Variants in SLC22A23 observed in about 807,000 individuals in gnomAD.
SLC22A23 encodes the protein ion transporter protein.
Under a neutral mutation model 61.0 loss-of-function variants are expected in SLC22A23, and 26 were observed. The ratio of observed to expected loss-of-function variants is 0.43; its 90% CI spans 0.31 to 0.59. SLC22A23 has a LOEUF of 0.59. Ranked by LOEUF, SLC22A23 falls within the 20% of genes least tolerant of loss-of-function variation. The probability of loss-of-function intolerance (pLI) is 0.11; values close to 1 mark genes in which losing one functional copy is unlikely to be tolerated. For missense variants in SLC22A23, 796 were observed against 934.7 expected, an observed-to-expected ratio of 0.85 and a Z score of 1.94; for synonymous variants, 430 against 413.9, an observed-to-expected ratio of 1.04 and a Z score of -0.47.
Position 3,286,960 on chromosome 6 carries a change from G to A in SLC22A23, c.1445C>T (p.Ala482Val), listed in dbSNP as rs763739645. 2 of 1,613,976 alleles carry A rather than the reference G, an allele frequency of 1.2e-6. No individual in the cohort carries two copies. Among genetic ancestry groups the A allele is most frequent in the Non-Finnish European group, 8.5e-7 (1 of 1,180,042 alleles). The change falls in exon 7 of 10, where the codon GCC (alanine) becomes GTC (valine). Residue 482 changes from alanine (A) to valine (V), a missense_variant. Transcript: ENST00000406686. This position sits in a 1 kb window ranked among gnomAD's most constrained non-coding sequence, Gnocchi z 4.2. ...TASIALVSCL[A>V]MCVVVRFLGR... ...GAGGAATCGGACCACCACGCACATGGCCAGGCAGGACACCAGCGCGATGCT... is the reference window on the plus strand; with the variant it reads ...GAGGAATCGGACCACCACGCACATGACCAGGCAGGACACCAGCGCGATGCT...
intron 3 of SLC22A23, among the ~76,000 whole-genome samples, chr6:3,359,555 A>C (rs1440297182): frequency 6.6e-6 from 1 of 152,050 alleles, no homozygotes; most frequent in Non-Finnish European, 1.5e-5. Flanking sequence ...TGCTGACAAG[A>C]ATGTGGGGAA....
At chr6:3,443,238 A>G (rs891759396) in intron 1 of SLC22A23, among the ~76,000 whole-genome samples, 3 of 152,246 alleles carry the variant, frequency 2.0e-5, no homozygotes, top group African/African-American at 7.2e-5. Context: ...CTTTGTCAAC[A>G]AGGGACTCTG....
At chr6:3,435,001 C>T (rs1350432145) in intron 1 of SLC22A23, among the ~76,000 whole-genome samples, 1 of 152,130 alleles carries the variant, frequency 6.6e-6, no homozygotes, top group Non-Finnish European at 1.5e-5. Context: ...AGCCCCAACC[C>T]ATCCACACTG....
chr6:3,456,203 G>C lies in SLC22A23; in HGVS notation c.357C>G (p.Phe119Leu). ...FIGFSQFSDS[F>L]LLDQPNFWCR... ...ACCAGAAGTTGGGCTGGTCCAGGAG[G>C]AACGAGTCCGAGAACTGGCTGAAGC... The change falls in exon 1 of 10, where the codon TTC (phenylalanine) becomes TTG (leucine). Residue 119 changes from phenylalanine to leucine, a missense_variant. Phe to Leu is a conservative substitution (Grantham distance 22). Coordinates refer to ENST00000406686, the MANE Select transcript of SLC22A23 (RefSeq NM_015482.2). The surrounding 1 kb of genome is among the most constrained non-coding windows in gnomAD (Gnocchi z 7.1). 2 of 1,551,356 alleles carry C rather than the reference G, an allele frequency of 1.3e-6. No homozygotes were observed. The highest frequency in any genetic ancestry group is 1.2e-5 in the South Asian group (1 of 84,046).
intron 1 of SLC22A23, among the ~76,000 whole-genome samples, chr6:3,423,127 A>T (rs1264740014): frequency 6.6e-6 from 1 of 151,398 alleles, no homozygotes; most frequent in Non-Finnish European, 1.5e-5. Context: ...AGAAATAGAA[A>T]CTGCTTCATT....
rs1760022773 is a variant in SLC22A23, at chr6:3,286,531, C to T, written c.1546+328G>A. The stretch of plus-strand genomic sequence containing the variant: ...GATTTATTTCCCCCTTAATGTCACT[C>T]GAAAGAGACAATCCTTTGTTCTTCT... On this transcript the variant is annotated intron_variant, in intron 7 of 9. Transcript: ENST00000406686. This position sits in a 1 kb window ranked among gnomAD's most constrained non-coding sequence, Gnocchi z 4.2. Among the ~76,000 whole-genome samples, 2 of 152,218 alleles carry T rather than the reference C, an allele frequency of 1.3e-5. No individual in the cohort carries two copies. Among genetic ancestry groups the T allele is most frequent in the African/African-American group, 2.4e-5 (1 of 41,448 alleles).
At chr6:3,359,319 T>C (rs1056891704) in intron 3 of SLC22A23, among the ~76,000 whole-genome samples, 1 of 152,244 alleles carries the variant, frequency 6.6e-6, no homozygotes, top group Non-Finnish European at 1.5e-5. Flanking sequence ...GCCACGTTTA[T>C]TCTTCATCAC....
At chr6:3,452,225 G>A (rs1772185043) in intron 1 of SLC22A23, among the ~76,000 whole-genome samples, 1 of 152,152 alleles carries the variant, frequency 6.6e-6, no homozygotes, top group South Asian at 2.1e-4. Context: ...AAGCAGAGGA[G>A]CATCTGTACC....
intron 3 of SLC22A23, among the ~76,000 whole-genome samples, chr6:3,373,666 A>G (rs1318511449): frequency 6.6e-6 from 1 of 152,210 alleles, no homozygotes; most frequent in Non-Finnish European, 1.5e-5. Context: ...GAAAGGAAGA[A>G]GAAAAGGAAG....
intron 3 of SLC22A23, among the ~76,000 whole-genome samples, chr6:3,409,873 A>G (rs1023769692): frequency 2.0e-5 from 3 of 152,200 alleles, no homozygotes; most frequent in African/African-American, 7.2e-5. Context: ...CAGGATGTCA[A>G]TGCAGACAAT....
rs573900877 is a variant in SLC22A23 at position 3,330,205 on chromosome 6, T to C, written c.914-6203A>G. Among the ~76,000 whole-genome samples, 1 of 152,292 alleles carries C rather than the reference T, an allele frequency of 6.6e-6. No individual in the cohort carries two copies. Among genetic ancestry groups the C allele is most frequent in the Admixed American group, 6.5e-5 (1 of 15,302 alleles). ...CATCATCCAATAGACTAGAAGCCCATTTCCACCAGCAGCGGGAAAATGTGG... is the reference window on the plus strand; with the variant it reads ...CATCATCCAATAGACTAGAAGCCCACTTCCACCAGCAGCGGGAAAATGTGG... On this transcript the variant is annotated intron_variant, in intron 3 of 9. Transcript: ENST00000406686. The surrounding 1 kb of genome is among the most constrained non-coding windows in gnomAD (Gnocchi z 4.7).
chr6:3,404,526 T>G (rs1768659306), intron 3 of SLC22A23, among the ~76,000 whole-genome samples: 1 of 152,162 alleles, frequency 6.6e-6, no homozygotes. Flanking sequence ...CCTGAGTAAA[T>G]TTTTATTTGA....
In SLC22A23 at chr6:3,387,395, C is replaced by T. The variant is rs185408766; in HGVS notation, c.913+22793G>A. ...CATTCTGCAAAATACCAACCCGTTA[C>T]ACCACTGTCCTCATCACAGTGTTAA... On this transcript the variant is annotated intron_variant, in intron 3 of 9. Coordinates refer to ENST00000406686, the MANE Select transcript of SLC22A23 (RefSeq NM_015482.2). The surrounding 1 kb of genome is among the most constrained non-coding windows in gnomAD (Gnocchi z 5.0). Among the ~76,000 whole-genome samples, 24 of 152,324 alleles carry T rather than the reference C, an allele frequency of 1.6e-4. No homozygotes were observed.
In SLC22A23 at chr6:3,284,149, C is replaced by T. The variant is rs1759746721; in HGVS notation, c.1580-174G>A. The stretch of plus-strand genomic sequence containing the variant: ...ACCTCAAGGACTAGAAGCCCAGAGC[C>T]CCTGCAGTGGGTTTTGTGGGGCTTC... On this transcript the variant is annotated intron_variant, in intron 8 of 9. Coordinates refer to ENST00000406686, the MANE Select transcript of SLC22A23 (RefSeq NM_015482.2). 9 of 579,926 alleles carry T rather than the reference C, an allele frequency of 1.6e-5. No individual in the cohort carries two copies. In the South Asian group the frequency reaches 2.1e-4, roughly 13 times the overall value. 35.9% of individuals were successfully genotyped at this position (579,926 alleles called of 1,614,324 possible).
At chr6:3,388,922 T>A (rs560394731) in intron 3 of SLC22A23, among the ~76,000 whole-genome samples, 2 of 151,766 alleles carry the variant, frequency 1.3e-5, no homozygotes, top group Admixed American at 1.3e-4. Flanking sequence ...GGAGGGGGAA[T>A]GGGGAGTTCG....
At chr6:3,394,847 G>A (rs949117343) in intron 3 of SLC22A23, among the ~76,000 whole-genome samples, 1 of 152,204 alleles carries the variant, frequency 6.6e-6, no homozygotes, top group African/African-American at 2.4e-5. Context: ...TGGTGACAGG[G>A]GCTAAGACTC....
In SLC22A23 at chr6:3,304,783, G is replaced by A. The variant is rs1761857226; in HGVS notation, c.1083-6565C>T. On this transcript the variant is annotated intron_variant, in intron 4 of 9. Coordinates refer to ENST00000406686, the MANE Select transcript of SLC22A23 (RefSeq NM_015482.2). This position sits in a 1 kb window ranked among gnomAD's most constrained non-coding sequence, Gnocchi z 4.3. ...GTACTGCTGGAGGTGTGTGGGGCAG[G>A]ACCCAGAGGTAAGGCATGGGGTTGT... Among the ~76,000 whole-genome samples, 2 of 152,140 alleles carry A rather than the reference G, an allele frequency of 1.3e-5. No individual in the cohort carries two copies. The highest frequency in any genetic ancestry group is 2.1e-4 in the South Asian group (1 of 4,834).
rs1217695483 is a variant in SLC22A23 at position 3,285,091 on chromosome 6, G to A, written c.1567C>T (p.His523Tyr). The change falls in exon 8 of 10, where the codon CAC becomes TAC. Residue 523 changes from histidine to tyrosine, a missense_variant. By Grantham distance (83) the His-to-Tyr change is moderately conservative. Coordinates refer to ENST00000406686, the MANE Select transcript of SLC22A23 (RefSeq NM_015482.2). ...LLNLIGKYSQ[H>Y]PDSGMSDSVK... is the part of the protein sequence containing the mutation. Reference sequence around the variant, plus strand: ...GCTTGGGACTCACCTGAGTCTGGGTGCTGGCTGTACTTTCCAATCACTGGA... The same window carrying A: ...GCTTGGGACTCACCTGAGTCTGGGTACTGGCTGTACTTTCCAATCACTGGA... 6.2e-7 allele frequency: 1 copy of A among 1,613,400 alleles called. No homozygotes were observed. The highest frequency in any genetic ancestry group is 1.3e-5 in the African/African-American group (1 of 75,050).
At chr6:3,374,296 T>C (rs568589301) in intron 3 of SLC22A23, among the ~76,000 whole-genome samples, 39 of 152,380 alleles carry the variant, frequency 2.6e-4, no homozygotes, top group Non-Finnish European at 3.1e-4. Context: ...GTTCCCTCCC[T>C]GGCACCATGC....
Sources: allele counts gnomAD v4.1 joint callset (sites outside exome capture counted in the v4.1 genomes callset), GRCh38; gene constraint gnomAD v4.1.1; non-coding constraint Gnocchi (gnomAD v3.1); transcripts MANE v1.5; gene names NCBI Gene and HGNC (gene_info 2026-07-23, HGNC 2026-07-21).